Variants in ZSWIM3 observed in about 807,000 individuals in gnomAD.
The protein encoded by ZSWIM3 is zinc finger SWIM-type containing 3.
ZSWIM3 carries 27 observed loss-of-function variants against 47.5 expected under a neutral mutation model. The ratio of observed to expected loss-of-function variants is 0.57; its 90% confidence interval spans 0.42 to 0.78. The LOEUF (loss-of-function observed/expected upper bound fraction) is 0.78. Ranked by LOEUF, ZSWIM3 falls within the 30% of genes least tolerant of loss-of-function variation. ZSWIM3 has a pLI of 0.00. For missense variants in ZSWIM3, 689 were observed against 861.3 expected (o/e 0.80, Z 2.50); for synonymous variants, 333 against 333.9 (o/e 1.00, Z 0.03).
chr20:45,863,026 TTTG>T (rs1339454805), intron 1 of ZSWIM3, among the ~76,000 whole-genome samples: 1 of 152,230 alleles, frequency 6.6e-6, no homozygotes, highest in African/African-American at 2.4e-5. Context: ...TTTGCATCTT[TTTG>T]TTGTTTTAAC....
Position 45,878,495 on chromosome 20 carries a change from G to A in ZSWIM3, c.1937G>A (p.Arg646His), listed in dbSNP as rs751159706. ...CTGGAGGAACGCTACTCCACCCTGC[G>A]CAAGATTGTGGATATCTGGGCTGGC... Reference protein sequence around the residue: ...PELEERYSTLRKIVDIWAGPS... With the variant: ...PELEERYSTLHKIVDIWAGPS... The change falls in exon 2 of 2, where the codon CGC (arginine) becomes CAC (histidine). Residue 646 changes from arginine to histidine, a missense_variant. Arg to His is a conservative substitution (Grantham distance 29). Coordinates refer to ENST00000255152, the MANE Select transcript of ZSWIM3 (RefSeq NM_080752.4). 6.2e-6 allele frequency: 10 copies of A among 1,614,092 alleles called. No individual in the cohort carries two copies. The highest frequency in any genetic ancestry group is 4.5e-5 in the East Asian group (2 of 44,896).
At position 45,876,764 on chromosome 20, in the gene ZSWIM3, G is replaced by A. The variant is rs1323820921; in HGVS notation, c.206G>A (p.Arg69Lys). The A allele has an allele frequency of 6.8e-6, 11 of 1,613,992 alleles. No individual in the cohort carries two copies. Among genetic ancestry groups the A allele is most frequent in the Non-Finnish European group, 9.3e-6 (11 of 1,180,014 alleles). The change falls in exon 2 of 2, where the codon AGA becomes AAA. Residue 69 changes from arginine (R) to lysine (K), a missense_variant. Arg to Lys is a conservative substitution (Grantham distance 26, BLOSUM62 2). Transcript: ENST00000255152. ...VCIRTQSNRKRTREADMCPAY... is the reference protein window; with the variant it reads ...VCIRTQSNRKKTREADMCPAY... ...ATTCGGACCCAATCAAACAGGAAGAGAACGCGGGAGGCAGACATGTGCCCA... is the reference window on the plus strand; with the variant it reads ...ATTCGGACCCAATCAAACAGGAAGAAAACGCGGGAGGCAGACATGTGCCCA...
At chr20:45,873,536 C>T (rs1208017024) in intron 1 of ZSWIM3, among the ~76,000 whole-genome samples, 1 of 152,162 alleles carries the variant, frequency 6.6e-6, no homozygotes, top group Non-Finnish European at 1.5e-5. Flanking sequence ...GAAAATGTCA[C>T]AAGGCATAAA....
At chr20:45,876,664 G>T in intron 1 of ZSWIM3, 50 bp from the exon 2 acceptor site, 1 of 1,569,850 alleles carries the variant, frequency 6.4e-7, no homozygotes, top group East Asian at 2.2e-5. Context: ...TCTTTATAAG[G>T]GGTGGGGGGT....
intron 1 of ZSWIM3, among the ~76,000 whole-genome samples, chr20:45,870,116 G>A (rs1297562315): frequency 6.6e-6 from 1 of 151,302 alleles, no homozygotes; most frequent in Admixed American, 6.6e-5. Flanking sequence ...GGCTAAGGCA[G>A]GCAGATCACG....
chr20:45,863,859 A>G (rs530345001), intron 1 of ZSWIM3, among the ~76,000 whole-genome samples: 2 of 152,234 alleles, frequency 1.3e-5, no homozygotes, highest in South Asian at 4.2e-4. Context: ...TTAGCCAGGC[A>G]TGGTGGTACG....
chr20:45,875,842 A>T (rs77808839), intron 1 of ZSWIM3, among the ~76,000 whole-genome samples: 5,477 of 151,508 alleles, frequency 0.036, 143 homozygotes, highest in South Asian at 0.12. Context: ...TCTTTTTTTT[A>T]AAAAAAAGAG....
At chr20:45,859,829 G>A (rs1240039173) in intron 1 of ZSWIM3, among the ~76,000 whole-genome samples, 2 of 142,640 alleles carry the variant, frequency 1.4e-5, no homozygotes, top group African/African-American at 2.6e-5. Context: ...ACAGTTGCCC[G>A]TAAACACCCT....
At position 45,878,134 on chromosome 20, in the gene ZSWIM3, A is replaced by T. The variant is rs758996030; in HGVS notation, c.1576A>T (p.Met526Leu). The T allele has an allele frequency of 3.7e-6, 6 of 1,614,212 alleles. No individual in the cohort carries two copies. Among genetic ancestry groups the T allele is most frequent in the Non-Finnish European group, 5.1e-6 (6 of 1,180,034 alleles). Residue 526 changes from methionine to leucine, a missense_variant, in exon 2 of 2, where the codon ATG becomes TTG. Physicochemically the swap from Met to Leu is conservative, Grantham distance 15. Coordinates refer to ENST00000255152, the MANE Select transcript of ZSWIM3 (RefSeq NM_080752.4). ...VVQNSTHLVD[M>L]AGSSVDVQLL... ...ACAGAACTCCACCCACCTGGTGGAC[A>T]TGGCTGGCTCTTCAGTGGACGTTCA...
intron 1 of ZSWIM3, among the ~76,000 whole-genome samples, chr20:45,862,191 A>T (rs1985725273): frequency 6.9e-6 from 1 of 145,406 alleles, no homozygotes; most frequent in Non-Finnish European, 1.5e-5. Context: ...CTCTGTCGCC[A>T]GGCTGGAGTG....
chr20:45,878,341 A>G lies in ZSWIM3; in HGVS notation c.1783A>G (p.Asn595Asp), dbSNP rs1486081574. Residue 595 changes from asparagine to aspartate, a missense_variant, in exon 2 of 2, where the codon AAT becomes GAT. Physicochemically the swap from Asn to Asp is conservative, Grantham distance 23. Coordinates refer to ENST00000255152, the MANE Select transcript of ZSWIM3 (RefSeq NM_080752.4). Reference sequence around the variant, plus strand: ...GAAGTACCAGTACCTCCTTGGGCCCAATGGGGAGCTCCAGGATCGTGGTAT... The same window carrying G: ...GAAGTACCAGTACCTCCTTGGGCCCGATGGGGAGCTCCAGGATCGTGGTAT... ...QKKYQYLLGP[N>D]GELQDRGMVP... 1 of 1,614,204 alleles carries G rather than the reference A, an allele frequency of 6.2e-7. No individual in the cohort carries two copies. Among genetic ancestry groups the G allele is most frequent in the African/African-American group, 1.3e-5 (1 of 75,052 alleles).
Position 45,857,702 on chromosome 20 carries a change from G to A in ZSWIM3, c.-124G>A, listed in dbSNP as rs1985561839. 1 of 1,230,262 alleles carries A rather than the reference G, an allele frequency of 8.1e-7. No homozygotes were observed. Among genetic ancestry groups the A allele is most frequent in the Admixed American group, 2.3e-5 (1 of 44,086 alleles). The allele number at this position is 1,230,262 out of a possible 1,614,324, so 76.2% of individuals were successfully genotyped here. A position where few individuals can be genotyped will look rare whatever the true frequency, so the allele number is the denominator to read the frequency against. On this transcript the variant is annotated 5_prime_UTR_variant, in exon 1 of 2. Transcript: ENST00000255152. ...TTCCAGAATAGGCCACCCAGTTGGG[G>A]CGGACCCTTAAGGCATTCTGGGCCC...
chr20:45,865,807 C>T (rs1183152680), intron 1 of ZSWIM3, among the ~76,000 whole-genome samples: 1 of 151,492 alleles, frequency 6.6e-6, no homozygotes, highest in Non-Finnish European at 1.5e-5. Flanking sequence ...ACCATCCTAG[C>T]TAACACGGTG....
At chr20:45,867,414 T>G (rs1353837267) in intron 1 of ZSWIM3, among the ~76,000 whole-genome samples, 4 of 152,168 alleles carry the variant, frequency 2.6e-5, no homozygotes, top group Non-Finnish European at 5.9e-5. Context: ...ATTTTGACCT[T>G]TTTTGTGATT....
At chr20:45,860,753 A>G (rs1985689000) in intron 1 of ZSWIM3, among the ~76,000 whole-genome samples, 2 of 152,150 alleles carry the variant, frequency 1.3e-5, no homozygotes, top group African/African-American at 4.8e-5. Flanking sequence ...ATAATCCCAG[A>G]TAATTTCCCT....
chr20:45,867,752 A>G (rs767995513), intron 1 of ZSWIM3, among the ~76,000 whole-genome samples: 14 of 151,934 alleles, frequency 9.2e-5, no homozygotes, highest in Non-Finnish European at 1.6e-4. Context: ...TCTTTTTGTT[A>G]TGCCATTTGA....
chr20:45,865,484 T>C (rs2145787427), intron 1 of ZSWIM3, among the ~76,000 whole-genome samples: 1 of 120,722 alleles, frequency 8.3e-6, no homozygotes, highest in South Asian at 2.5e-4. Flanking sequence ...TGAGACTCCA[T>C]TTCAAAAAAT....
In ZSWIM3 at chr20:45,877,647, C is replaced by A. The variant is rs1262546040; in HGVS notation, c.1089C>A (p.Phe363Leu). 6.2e-7 allele frequency: 1 copy of A among 1,614,068 alleles called. No homozygotes were observed. Among genetic ancestry groups the A allele is most frequent in the Non-Finnish European group, 8.5e-7 (1 of 1,180,034 alleles). Residue 363 changes from phenylalanine to leucine, a missense_variant, in exon 2 of 2, where the codon TTC (phenylalanine) becomes TTA (leucine). By Grantham distance (22) the Phe-to-Leu change is conservative. Coordinates refer to ENST00000255152, the MANE Select transcript of ZSWIM3 (RefSeq NM_080752.4). ...MSQAVLDEDL[F>L]NFLQAHWFTC... The stretch of plus-strand genomic sequence containing the variant: ...AGGCCGTACTGGATGAGGATCTCTT[C>A]AACTTCCTGCAGGCCCACTGGTTCA...
At chr20:45,872,584 G>C (rs942055964) in intron 1 of ZSWIM3, 1 of 613,726 alleles carries the variant, frequency 1.6e-6, no homozygotes, top group African/African-American at 1.9e-5. Flanking sequence ...AAGGTAGGAA[G>C]GGCATTCCAG....
Sources: allele counts gnomAD v4.1 joint callset (sites outside exome capture counted in the v4.1 genomes callset), GRCh38; gene constraint gnomAD v4.1.1; transcripts MANE v1.5; gene names NCBI Gene and HGNC (gene_info 2026-07-23, HGNC 2026-07-21).